Variants in CPS1 observed in about 807,000 individuals in gnomAD.
CPS1 encodes carbamoyl-phosphate synthase [ammonia], mitochondrial.
CPS1 carries 109 observed loss-of-function variants against 174.6 expected under a neutral mutation model. The ratio of observed to expected loss-of-function variants is 0.62; its 90% CI spans 0.53 to 0.73. The LOEUF (loss-of-function observed/expected upper bound fraction) is 0.73. Among genes scored for constraint, CPS1 ranks in the 30% least tolerant of loss-of-function variants. The pLI is 0.00. For synonymous variants in CPS1, 637 were observed against 632.0 expected (o/e 1.01, Z -0.12); for missense variants, 1,689 against 1,821.9 (o/e 0.93, Z 1.33).
At chr2:210,594,356 GT>G (rs1698411852) in intron 11 of CPS1, 151 bp from the exon 12 acceptor site, 1 of 625,776 alleles carries the variant, frequency 1.6e-6, no homozygotes, top group Non-Finnish European at 2.8e-6. Context: ...CAGATATTTA[GT>G]TATTGACAAA....
chr2:210,549,892 A>G (rs1243949539), intron 1 of CPS1, among the ~76,000 whole-genome samples: 1 of 152,016 alleles, frequency 6.6e-6, no homozygotes, highest in Non-Finnish European at 1.5e-5. Flanking sequence ...TGGAAATCCT[A>G]GATTTGATTT....
At chr2:210,663,383 T>G (rs1421431045) in intron 33 of CPS1, among the ~76,000 whole-genome samples, 186 bp downstream of exon 33, 1 of 152,230 alleles carries the variant, frequency 6.6e-6, no homozygotes, top group Non-Finnish European at 1.5e-5. Flanking sequence ...AAATTCTTAT[T>G]TATATTTTAA....
intron 1 of CPS1, among the ~76,000 whole-genome samples, chr2:210,528,314 A>G (rs1696027656): frequency 6.6e-6 from 1 of 151,952 alleles, no homozygotes; most frequent in Non-Finnish European, 1.5e-5. Flanking sequence ...TTAGATCCCT[A>G]TAAAAATTGT....
intron 1 of CPS1, among the ~76,000 whole-genome samples, chr2:210,536,528 G>A (rs1268269512): frequency 2.6e-5 from 4 of 152,126 alleles, no homozygotes; most frequent in East Asian, 1.9e-4. Flanking sequence ...GGGTTTCACC[G>A]TGTTAGCCAG....
intron 31 of CPS1, 103 bp downstream of exon 31, chr2:210,658,791 A>G (rs1700811534): frequency 2.5e-6 from 2 of 815,462 alleles, no homozygotes; most frequent in Non-Finnish European, 4.2e-6. Context: ...ACAAAGAGCA[A>G]CTGAGACCCC....
intron 1 of CPS1, among the ~76,000 whole-genome samples, chr2:210,497,881 A>AATAT (rs1695030831): frequency 1.8e-5 from 1 of 54,476 alleles, no homozygotes; most frequent in African/African-American, 6.0e-5. Flanking sequence ...TTGGTAGAAC[A>AATAT]ATATATACAT....
chr2:210,640,460 C>T (rs1194310274), intron 24 of CPS1, among the ~76,000 whole-genome samples: 2 of 152,196 alleles, frequency 1.3e-5, no homozygotes, highest in African/African-American at 4.8e-5. Flanking sequence ...CCACCTCTGA[C>T]CTCATCCTAC....
intron 16 of CPS1, among the ~76,000 whole-genome samples, chr2:210,603,650 G>A (rs1698803866): frequency 6.6e-6 from 1 of 151,698 alleles, no homozygotes; most frequent in Admixed American, 6.6e-5. Flanking sequence ...TCTGAAGACT[G>A]AACTTTTCAT....
chr2:210,600,790 A>G, intron 15 of CPS1, 78 bp downstream of exon 15: 1 of 1,444,702 alleles, frequency 6.9e-7, no homozygotes, highest in Non-Finnish European at 9.7e-7. Flanking sequence ...CATGCCTAAT[A>G]ATAATAGTTA....
intron 21 of CPS1, among the ~76,000 whole-genome samples, chr2:210,616,822 C>T (rs552113583): frequency 3.3e-5 from 5 of 151,736 alleles, no homozygotes; most frequent in Non-Finnish European, 5.9e-5. Flanking sequence ...AATTGGTATA[C>T]ATTGATGAAC....
chr2:210,584,067 G>A (rs1434449134), intron 6 of CPS1, among the ~76,000 whole-genome samples: 2 of 152,076 alleles, frequency 1.3e-5, no homozygotes, highest in Non-Finnish European at 2.9e-5. Context: ...ATGTTTATGG[G>A]ATACTGCTAT....
At chr2:210,629,860 C>T (rs921205529) in intron 21 of CPS1, among the ~76,000 whole-genome samples, 22 of 146,484 alleles carry the variant, frequency 1.5e-4, no homozygotes, top group Non-Finnish European at 3.1e-4. Context: ...ACCATCCTGG[C>T]TAACACGGTG....
intron 1 of CPS1, among the ~76,000 whole-genome samples, chr2:210,527,882 G>T (rs1696017902): frequency 6.6e-6 from 1 of 151,828 alleles, no homozygotes; most frequent in African/African-American, 2.4e-5. Flanking sequence ...TGGAGTGGGA[G>T]AAGGTTGCAT....
intron 5 of CPS1, among the ~76,000 whole-genome samples, chr2:210,580,565 G>A (rs1697889692): frequency 6.6e-6 from 1 of 151,968 alleles, no homozygotes; most frequent in African/African-American, 2.4e-5. Context: ...GACACAATTT[G>A]AAACTACACA....
chr2:210,479,040 T>A (rs1243887514), intron 1 of CPS1, among the ~76,000 whole-genome samples: 1 of 151,762 alleles, frequency 6.6e-6, no homozygotes, highest in South Asian at 2.1e-4. Context: ...AAGAAAAGTA[T>A]TTAACATTTA....
chr2:210,637,553 GTTAT>G, intron 21 of CPS1, 145 bp from the exon 22 acceptor site: 1 of 814,948 alleles, frequency 1.2e-6, no homozygotes. Flanking sequence ...GAGTGGGTTA[GTTAT>G]TTGTGTATTT....
Position 210,677,140 on chromosome 2 carries a change from T to A in CPS1, c.4404+4T>A, listed in dbSNP as rs199739254. On this transcript the variant is annotated splice_donor_region_variant and intron_variant, in intron 37 of 37. Transcript: ENST00000233072. ...CCCTCTCCTCACTAATTTTCAGGTA[T>A]AGTCTTTTCCTTGGATATAGACTGG... is the stretch of plus-strand genomic sequence containing the variant. The A allele has an allele frequency of 1.4e-3, 2,221 of 1,613,736 alleles. 52 individuals carry two copies. In the South Asian group the frequency reaches 0.022, roughly 16 times the overall value.
At chr2:210,555,543 T>C (rs954618432), upstream of CPS1, 7 of 446,396 alleles carry the variant, frequency 1.6e-5, no homozygotes, top group African/African-American at 1.2e-4. Context: ...AATTAAACTT[T>C]GTTCCTCTTT....
intron 4 of CPS1, among the ~76,000 whole-genome samples, chr2:210,577,849 T>C (rs750317611): frequency 2.0e-5 from 3 of 152,178 alleles, no homozygotes; most frequent in Non-Finnish European, 4.4e-5. Context: ...TAGAATGTAG[T>C]AATGGAACTT....
Sources: allele counts gnomAD v4.1 joint callset (sites outside exome capture counted in the v4.1 genomes callset), GRCh38; gene constraint gnomAD v4.1.1; transcripts MANE v1.5; gene names NCBI Gene and HGNC (gene_info 2026-07-23, HGNC 2026-07-21).